ABLIM1: variants seen among roughly 807,000 people sequenced by gnomAD.
ABLIM1 encodes actin-binding LIM protein 1.
A neutral mutation model predicts 107.0 loss-of-function variants in ABLIM1; 40 were observed. The ratio of observed to expected loss-of-function variants is 0.37; its 90% CI spans 0.29 to 0.49. The LOEUF (loss-of-function observed/expected upper bound fraction) is 0.49. Among genes scored for constraint, ABLIM1 ranks in the 20% least tolerant of loss-of-function variants. The pLI, the probability that ABLIM1 is intolerant of heterozygous loss-of-function variation, is 0.97. For missense variants in ABLIM1, 857 were observed against 1,008.5 expected (o/e 0.85, Z 2.04); for synonymous variants, 357 against 357.3 (o/e 1.00, Z 0.01).
At chr10:114,469,317 A>ATCGCCAATCTCACTATCATTCACC (rs1437665355) in intron 10 of ABLIM1, among the ~76,000 whole-genome samples, 5 of 152,198 alleles carry the variant, frequency 3.3e-5, no homozygotes, top group Non-Finnish European at 5.9e-5. Context: ...CCTTGGCTGC[A>ATCGCCAATCTCACTATCATTCACC]TCGCCAATCT....
At chr10:114,700,235 G>A (rs2141833657) in intron 1 of ABLIM1, among the ~76,000 whole-genome samples, 1 of 152,258 alleles carries the variant, frequency 6.6e-6, no homozygotes, top group Non-Finnish European at 1.5e-5. Flanking sequence ...AAACCTCACT[G>A]AGAGAGAATG....
At chr10:114,526,511 A>T in intron 6 of ABLIM1, 1 of 398,220 alleles carries the variant, frequency 2.5e-6, no homozygotes, top group East Asian at 1.6e-4. Flanking sequence ...AATGTATGTC[A>T]GGGCAATAAA....
Position 114,738,749 on chromosome 10 carries a change from TGGATC to T in ABLIM1, c.-213+29307_-213+29311del, listed in dbSNP as rs1403133962. On this transcript the variant is annotated intron_variant, in intron 1 of 15. Transcript: ENST00000651092. ...GCAGCTTCATTCATAAACTCCTTGT[TGGATC>T]TATAACAGATGGAAACTGAGGCACG... 4.6e-5 allele frequency among the ~76,000 whole-genome samples: 7 copies of T among 151,948 alleles called. No individual in the cohort carries two copies. In the East Asian group the frequency reaches 1.4e-3, roughly 30 times the overall value.
chr10:114,769,934 T>G (rs1289186554), upstream of ABLIM1, among the ~76,000 whole-genome samples: 3 of 152,136 alleles, frequency 2.0e-5, no homozygotes, highest in Admixed American at 2.0e-4. Flanking sequence ...ATTCAGTTGC[T>G]TCAATCTCAA....
intron 6 of ABLIM1, among the ~76,000 whole-genome samples, chr10:114,518,009 G>A (rs2063159834): frequency 6.6e-6 from 1 of 151,910 alleles, no homozygotes; most frequent in South Asian, 2.1e-4. Context: ...TTAGTGTATG[G>A]TAAAGGATTT....
chr10:114,716,672 A>G (rs2081672887), intron 1 of ABLIM1, among the ~76,000 whole-genome samples: 1 of 152,176 alleles, frequency 6.6e-6, no homozygotes, highest in Non-Finnish European at 1.5e-5. Flanking sequence ...AATACCACCA[A>G]AGATTTGGGA....
chr10:114,534,943 C>T (rs1246235694), intron 6 of ABLIM1, among the ~76,000 whole-genome samples: 1 of 152,210 alleles, frequency 6.6e-6, no homozygotes, highest in Non-Finnish European at 1.5e-5. Context: ...TGCCCTGGCA[C>T]AACACATTTC....
chr10:114,767,455 T>C (rs1286849891), intron 1 of ABLIM1, among the ~76,000 whole-genome samples: 1 of 152,144 alleles, frequency 6.6e-6, no homozygotes, highest in Non-Finnish European at 1.5e-5. Context: ...TGGCTCCAGA[T>C]GGCAAGAAAT....
upstream of ABLIM1, among the ~76,000 whole-genome samples, chr10:114,660,878 C>T (rs1185363561): frequency 1.3e-5 from 2 of 152,182 alleles, no homozygotes; most frequent in Non-Finnish European, 2.9e-5. Flanking sequence ...CCAGCATCTT[C>T]CTGACCTGGA....
chr10:114,763,527 CA>C (rs561061494), intron 1 of ABLIM1, among the ~76,000 whole-genome samples: 192 of 151,976 alleles, frequency 1.3e-3, no homozygotes, highest in African/African-American at 4.5e-3. Flanking sequence ...GCTGGGACTA[CA>C]GGTGCACAAC....
Position 114,570,105 on chromosome 10 carries a change from G to A in ABLIM1, c.673+1192C>T, listed in dbSNP as rs551516783. Among the ~76,000 whole-genome samples the A allele has an allele frequency of 3.3e-3, 506 of 152,212 alleles. 4 individuals carry two copies. Among genetic ancestry groups the A allele is most frequent in the Non-Finnish European group, 4.5e-3 (304 of 68,022 alleles). Reference sequence around the variant, plus strand: ...CCTTACGTATTAAGACTCACTTAAGGGCTTAAAGAGGTTTATTCCAAATCT... The same window carrying A: ...CCTTACGTATTAAGACTCACTTAAGAGCTTAAAGAGGTTTATTCCAAATCT... On this transcript the variant is annotated intron_variant, in intron 4 of 22. Transcript: ENST00000533213.
intron 1 of ABLIM1, among the ~76,000 whole-genome samples, chr10:114,705,488 A>T (rs1382252830): frequency 2.6e-5 from 4 of 152,288 alleles, no homozygotes; most frequent in Middle Eastern, 3.4e-3. Flanking sequence ...TCTGGAGGGG[A>T]TGTTCTGAAA....
At chr10:114,565,752 G>A (rs1246448038) in intron 4 of ABLIM1, among the ~76,000 whole-genome samples, 1 of 149,110 alleles carries the variant, frequency 6.7e-6, no homozygotes, top group Admixed American at 6.6e-5. Context: ...CCTCCCCTTT[G>A]GAAACATGCA....
chr10:114,572,350 A>G (rs969954593), intron 3 of ABLIM1, among the ~76,000 whole-genome samples: 1 of 152,218 alleles, frequency 6.6e-6, no homozygotes, highest in South Asian at 2.1e-4. Context: ...TTTTACTTCC[A>G]CAGCTGCTAC....
intron 6 of ABLIM1, among the ~76,000 whole-genome samples, chr10:114,510,018 G>A (rs554850841): frequency 2.2e-4 from 34 of 152,188 alleles, no homozygotes; most frequent in African/African-American, 7.2e-4. Flanking sequence ...TCACTACCAC[G>A]AGAACAGCAT....
At chr10:114,484,443 C>T (rs185475289) in intron 8 of ABLIM1, among the ~76,000 whole-genome samples, 4 of 152,176 alleles carry the variant, frequency 2.6e-5, no homozygotes, top group Admixed American at 1.3e-4. Context: ...AGTGCAGTGG[C>T]GCAATCTTGG....
intron 1 of ABLIM1, among the ~76,000 whole-genome samples, chr10:114,735,983 T>G (rs1176803095): frequency 2.6e-5 from 4 of 152,172 alleles, no homozygotes. Flanking sequence ...TGACCAAATA[T>G]CCTTTGAAGG....
chr10:114,770,897 C>G (rs2083016215), upstream of ABLIM1, among the ~76,000 whole-genome samples: 1 of 152,206 alleles, frequency 6.6e-6, no homozygotes, highest in South Asian at 2.1e-4. Context: ...AGTGACACCT[C>G]TTGGCTTACT....
intron 1 of ABLIM1, among the ~76,000 whole-genome samples, chr10:114,759,057 A>C (rs2142553171): frequency 6.6e-6 from 1 of 152,314 alleles, no homozygotes; most frequent in South Asian, 2.1e-4. Context: ...ATCGCCAATC[A>C]ATCAGCAAAT....
Sources: gnomAD v4.1 joint callset for allele counts (sites outside exome capture counted in the v4.1 genomes callset) on GRCh38, gnomAD v4.1.1 for gene constraint, MANE v1.5 for transcripts, NCBI Gene and HGNC (gene_info 2026-07-23, HGNC 2026-07-21) for gene names.